The following KCNU1 variants were observed in gnomAD, a reference collection of about 807,000 sequenced individuals.
KCNU1 encodes the protein potassium channel subfamily U member 1.
A neutral mutation model predicts 126.8 loss-of-function variants in KCNU1; 93 were observed. The ratio of observed to expected loss-of-function variants is 0.73; its 90% CI spans 0.62 to 0.87. The LOEUF is 0.87. Ranked by LOEUF, KCNU1 falls within the 40% of genes least tolerant of loss-of-function variation. The pLI, the probability that KCNU1 is intolerant of heterozygous loss-of-function variation, is 0.00. For missense variants in KCNU1, 1,330 were observed against 1,367.1 expected (o/e 0.97, Z 0.43); for synonymous variants, 523 against 494.2 (o/e 1.06, Z -0.77).
intron 19 of KCNU1, among the ~76,000 whole-genome samples, chr8:36,893,222 C>A (rs1018479647): frequency 6.6e-6 from 1 of 151,562 alleles, no homozygotes; most frequent in East Asian, 1.9e-4. Context: ...GATCCACCTG[C>A]TTCAGCCTCC....
At chr8:36,844,029 A>G (rs1159718202) in intron 16 of KCNU1, among the ~76,000 whole-genome samples, 1 of 152,208 alleles carries the variant, frequency 6.6e-6, no homozygotes, top group Non-Finnish European at 1.5e-5. Flanking sequence ...TTGTGACAGT[A>G]TCTTCATAGC....
intron 10 of KCNU1, among the ~76,000 whole-genome samples, chr8:36,818,534 A>G (rs1804005128): frequency 6.6e-6 from 1 of 152,030 alleles, no homozygotes; most frequent in South Asian, 2.1e-4. Context: ...TTTGATTTGC[A>G]TGCACTCCAG....
intron 18 of KCNU1, among the ~76,000 whole-genome samples, chr8:36,852,832 A>C (rs1805398464): frequency 6.6e-6 from 1 of 151,968 alleles, no homozygotes; most frequent in African/African-American, 2.4e-5. Context: ...AACTTGCTAC[A>C]ATGTTTATCT....
In KCNU1 at chr8:36,935,822, T is replaced by C; in HGVS notation, c.3352T>C (p.Ser1118Pro). The change falls in exon 27 of 27, where the codon TCT becomes CCT. Residue 1118 changes from serine (S) to proline (P), a missense_variant. Transcript: ENST00000399881. ...NQSRTNSIIS[S>P]QIPLGDNAKE... ...GAGTAGAACAAACAGTATTATATCA[T>C]CTCAGATACCTTTAGGTGACAATGC... The C allele has an allele frequency of 6.2e-7, 1 of 1,612,740 alleles. No individual in the cohort carries two copies. The highest frequency in any genetic ancestry group is 2.2e-5 in the East Asian group (1 of 44,846).
intron 19 of KCNU1, among the ~76,000 whole-genome samples, chr8:36,892,510 G>A (rs934442300): frequency 1.6e-5 from 2 of 122,110 alleles, no homozygotes; most frequent in African/African-American, 6.5e-5. Flanking sequence ...CCCCCACCAG[G>A]TATGGTCCAT....
At chr8:36,822,531 A>G (rs770580023) in intron 10 of KCNU1, among the ~76,000 whole-genome samples, 3 of 152,194 alleles carry the variant, frequency 2.0e-5, no homozygotes, top group Non-Finnish European at 4.4e-5. Context: ...ATACAAAAAT[A>G]CATAAATGAT....
At chr8:36,792,332 TACTTCTGTGGC>T (rs1299331156) in intron 2 of KCNU1, among the ~76,000 whole-genome samples, 5 of 152,188 alleles carry the variant, frequency 3.3e-5, no homozygotes, top group African/African-American at 1.2e-4. Context: ...AATAATGTGT[TACTTCTGTGGC>T]ACTTCTTTGT....
intron 10 of KCNU1, among the ~76,000 whole-genome samples, chr8:36,818,919 CT>C (rs1804024545): frequency 6.6e-6 from 1 of 152,100 alleles, no homozygotes; most frequent in South Asian, 2.1e-4. Flanking sequence ...CTATTTAAAT[CT>C]TTTGTTAGAA....
chr8:36,862,302 A>AT (rs922999640), intron 18 of KCNU1, among the ~76,000 whole-genome samples: 15 of 152,084 alleles, frequency 9.9e-5, no homozygotes, highest in Admixed American at 9.8e-4. Context: ...ACTTTGTCTT[A>AT]TTTTTTTCTT....
chr8:36,908,588 ACAAT>A (rs1477452249), intron 20 of KCNU1, among the ~76,000 whole-genome samples: 1 of 144,618 alleles, frequency 6.9e-6, no homozygotes, highest in African/African-American at 2.6e-5. Flanking sequence ...GCAAGGACAG[ACAAT>A]CAAACACCGC....
rs189774870 is a variant in KCNU1 at position 36,818,525 on chromosome 8, T to G, written c.1106+765T>G. On this transcript the variant is annotated intron_variant, in intron 10 of 26. Coordinates refer to ENST00000399881, the MANE Select transcript of KCNU1 (RefSeq NM_001031836.3). ...TGCTTTTATTTTCATACAGAAGTGT[T>G]TGATTTGCATGCACTCCAGTCAGCT... Among the ~76,000 whole-genome samples, 8 of 152,328 alleles carry G rather than the reference T, an allele frequency of 5.3e-5. No homozygotes were observed. In the East Asian group the frequency reaches 1.5e-3, roughly 29 times the overall value.
chr8:36,817,627 C>T lies in KCNU1; in HGVS notation c.996-23C>T, dbSNP rs770321038. Reference sequence around the variant, plus strand: ...GTGCTTATGTGCCTCGGATGATCCACCTCACCTGTTTTTGCTGCCTAGGTT... The same window carrying T: ...GTGCTTATGTGCCTCGGATGATCCATCTCACCTGTTTTTGCTGCCTAGGTT... On this transcript the variant is annotated intron_variant, in intron 9 of 26. Transcript: ENST00000399881. 12 of 1,289,978 alleles carry T rather than the reference C, an allele frequency of 9.3e-6. No individual in the cohort carries two copies. The East Asian group carries it at 1.6e-4, about 17-fold the overall frequency. The allele number at this position is 1,289,978 out of a possible 1,614,324, so 79.9% of individuals were successfully genotyped here.
At chr8:36,818,942 CAA>C (rs1399563809) in intron 10 of KCNU1, among the ~76,000 whole-genome samples, 2 of 152,096 alleles carry the variant, frequency 1.3e-5, no homozygotes, top group Admixed American at 1.3e-4. Context: ...ACAGTAAAAA[CAA>C]AGAGTACTAA....
intron 19 of KCNU1, among the ~76,000 whole-genome samples, chr8:36,892,610 A>G (rs1237303515): frequency 6.6e-6 from 1 of 151,320 alleles, no homozygotes; most frequent in Non-Finnish European, 1.5e-5. Flanking sequence ...CTATTTTGCT[A>G]TGGTTTATTG....
At chr8:36,934,932 C>CA (rs1395823214) in intron 26 of KCNU1, among the ~76,000 whole-genome samples, 2 of 152,116 alleles carry the variant, frequency 1.3e-5, no homozygotes, top group African/African-American at 4.8e-5. Context: ...GTCAGGGTTT[C>CA]AAATGAAACT....
At chr8:36,885,999 C>A (rs1484275996) in intron 19 of KCNU1, among the ~76,000 whole-genome samples, 2 of 152,192 alleles carry the variant, frequency 1.3e-5, no homozygotes, top group South Asian at 4.1e-4. Flanking sequence ...CAAAAACAGA[C>A]CCACGAAAAA....
chr8:36,860,936 C>G (rs1805707021), intron 18 of KCNU1, among the ~76,000 whole-genome samples: 1 of 150,370 alleles, frequency 6.7e-6, no homozygotes, highest in Admixed American at 6.6e-5. Context: ...ATAAACATTC[C>G]AGACTATTAA....
intron 19 of KCNU1, among the ~76,000 whole-genome samples, chr8:36,868,754 G>T (rs998543911): frequency 2.0e-5 from 3 of 152,068 alleles, no homozygotes; most frequent in Non-Finnish European, 2.9e-5. Flanking sequence ...TATATTTGTT[G>T]AATGAATAAG....
At chr8:36,828,254 C>T (rs1471786856) in intron 10 of KCNU1, among the ~76,000 whole-genome samples, 2 of 152,008 alleles carry the variant, frequency 1.3e-5, no homozygotes, top group Non-Finnish European at 2.9e-5. Flanking sequence ...AATTGGTTTA[C>T]ACATAAGCAC....
Sources: gnomAD v4.1 joint callset for allele counts (sites outside exome capture counted in the v4.1 genomes callset) on GRCh38, gnomAD v4.1.1 for gene constraint, MANE v1.5 for transcripts, NCBI Gene and HGNC (gene_info 2026-07-23, HGNC 2026-07-21) for gene names.